Variants in ADGB observed in about 807,000 individuals in gnomAD.
ADGB encodes the protein androglobin.
Under a neutral mutation model 210.5 loss-of-function variants are expected in ADGB, and 172 were observed. That is an observed-to-expected ratio of 0.82 (90% CI 0.72 to 0.93). ADGB has a LOEUF of 0.93. Ranked by LOEUF, ADGB falls within the 40% of genes least tolerant of loss-of-function variation. The pLI is 0.00. For missense variants in ADGB, 2,025 were observed against 1,964.8 expected (o/e 1.03, Z -0.58); for synonymous variants, 658 against 662.7 (o/e 0.99, Z 0.11).
At chr6:146,626,044 C>T (rs1780966336) in intron 1 of ADGB, among the ~76,000 whole-genome samples, 1 of 151,874 alleles carries the variant, frequency 6.6e-6, no homozygotes, top group African/African-American at 2.4e-5. Context: ...AAAAATTCTA[C>T]TTATCTCCTA....
intron 1 of ADGB, among the ~76,000 whole-genome samples, chr6:146,602,611 C>T (rs563588951): frequency 3.3e-4 from 50 of 152,244 alleles, no homozygotes; most frequent in African/African-American, 1.1e-3. Context: ...TAGAAGTCAA[C>T]AAGCAGGGTG....
chr6:146,755,833 AC>A (rs1777398721), intron 27 of ADGB, among the ~76,000 whole-genome samples: 1 of 152,042 alleles, frequency 6.6e-6, no homozygotes. Context: ...CCCTTCCTGA[AC>A]CTTTTCCCCA....
At chr6:146,735,852 A>G (rs1562287563) in intron 22 of ADGB, among the ~76,000 whole-genome samples, 4 of 152,320 alleles carry the variant, frequency 2.6e-5, no homozygotes, top group Admixed American at 2.6e-4. Flanking sequence ...TTTTGGCCTT[A>G]TAGCAGTCAA....
At chr6:146,799,058 C>CAAAAAAAAAAAAAAAAAAAAAAA (rs71552962) in intron 33 of ADGB, among the ~76,000 whole-genome samples, 2 of 63,522 alleles carry the variant, frequency 3.1e-5, no homozygotes, top group African/African-American at 6.6e-5. Context: ...TATGGAAATG[C>CAAAAAAAAAAAAAAAAAAAAAAA]AAAAAAAAAA....
rs568808271 is a variant in ADGB at position 146,791,155 on chromosome 6, T to A, written c.4537+2545T>A. On this transcript the variant is annotated intron_variant, in intron 33 of 35. Coordinates refer to ENST00000397944, the MANE Select transcript of ADGB (RefSeq NM_024694.4). ...CAACCCATGGTTGACTCATCACTTT[T>A]CATTGTTTCATTTGCACAGCAAAGG... 2.0e-5 allele frequency among the ~76,000 whole-genome samples: 3 copies of A among 152,304 alleles called. No homozygotes were observed. In the South Asian group the frequency reaches 6.2e-4, roughly 32 times the overall value.
chr6:146,666,892 A>G lies in ADGB; in HGVS notation c.829A>G (p.Ile277Val). The G allele has an allele frequency of 1.9e-6, 3 of 1,544,236 alleles. No individual in the cohort carries two copies. The highest frequency in any genetic ancestry group is 2.4e-5 in the South Asian group (2 of 83,410). The change falls in exon 7 of 36, where the codon ATT (isoleucine) becomes GTT (valine). Residue 277 changes from isoleucine (I) to valine (V), a missense_variant. Ile to Val is a conservative substitution (Grantham distance 29). Coordinates refer to ENST00000397944, the MANE Select transcript of ADGB (RefSeq NM_024694.4). The stretch of plus-strand genomic sequence containing the variant: ...GCTCACAGGATGGTTACCAGAAGTC[A>G]TTTCTCTTCAGTATGTTTGACTATT... Reference protein sequence around the residue: ...HALTGWLPEVISLHPGYMDKV... With the variant: ...HALTGWLPEVVSLHPGYMDKV...
At chr6:146,688,666 G>C (rs1430098744) in intron 10 of ADGB, among the ~76,000 whole-genome samples, 2 of 152,140 alleles carry the variant, frequency 1.3e-5, no homozygotes, top group African/African-American at 4.8e-5. Context: ...TTCCAAAGCT[G>C]TAATGAACTG....
chr6:146,634,735 G>A (rs559513433), intron 1 of ADGB, among the ~76,000 whole-genome samples: 1 of 151,870 alleles, frequency 6.6e-6, no homozygotes, highest in South Asian at 2.1e-4. Context: ...TAATGTGAAT[G>A]TACACAAAGA....
At chr6:146,605,103 C>T (rs12526129) in intron 1 of ADGB, among the ~76,000 whole-genome samples, 16,815 of 152,062 alleles carry the variant, frequency 0.11, 1,149 homozygotes, top group East Asian at 0.23. Context: ...GGAATTCAAA[C>T]TATATGTAGT....
intron 5 of ADGB, among the ~76,000 whole-genome samples, chr6:146,658,910 T>G (rs1313979387): frequency 6.6e-6 from 1 of 152,192 alleles, no homozygotes; most frequent in African/African-American, 2.4e-5. Flanking sequence ...CTGTGAGCAC[T>G]GACATACCAG....
intron 13 of ADGB, 107 bp from the exon 14 acceptor site, chr6:146,715,275 A>C (rs1445877097): frequency 2.0e-6 from 2 of 1,001,740 alleles, no homozygotes; most frequent in Non-Finnish European, 2.9e-6. Context: ...CCAAAAATCT[A>C]TTTCTTCAAA....
At chr6:146,642,660 C>A (rs1176440037) in intron 2 of ADGB, among the ~76,000 whole-genome samples, 1 of 151,820 alleles carries the variant, frequency 6.6e-6, no homozygotes, top group Non-Finnish European at 1.5e-5. Flanking sequence ...AATGCAGGAA[C>A]AAAAAACCAA....
chr6:146,733,199 G>T lies in ADGB; in HGVS notation c.2600G>T (p.Arg867Leu). 6.5e-7 allele frequency: 1 copy of T among 1,541,652 alleles called. No individual in the cohort carries two copies. The highest frequency in any genetic ancestry group is 8.8e-7 in the Non-Finnish European group (1 of 1,141,140). The change falls in exon 21 of 36, where the codon CGG (arginine) becomes CTG (leucine). Residue 867 changes from arginine to leucine, a missense_variant. Coordinates refer to ENST00000397944, the MANE Select transcript of ADGB (RefSeq NM_024694.4). The stretch of plus-strand genomic sequence containing the variant: ...CCTCCAAACTTCAAATTTGCATTCC[G>T]GGCTATGGTTTTGGACTTGGAGTTA... ...KPPPNFKFAF[R>L]AMVLDLELLN... is the part of the protein sequence containing the mutation.
chr6:146,625,752 C>T (rs1390529928), intron 1 of ADGB, among the ~76,000 whole-genome samples: 3 of 152,188 alleles, frequency 2.0e-5, no homozygotes, highest in South Asian at 2.1e-4. Flanking sequence ...CCTATACAGC[C>T]TACAGAACCA....
intron 4 of ADGB, 32 bp downstream of exon 4, chr6:146,654,238 C>T: frequency 6.9e-7 from 1 of 1,444,356 alleles, no homozygotes; most frequent in Non-Finnish European, 9.5e-7. Context: ...AAAGTCTCAC[C>T]ATGAAATGAC....
rs1777535694 is a variant in ADGB, at chr6:146,763,893, C to T, written c.3551-8C>T. 3 of 1,547,098 alleles carry T rather than the reference C, an allele frequency of 1.9e-6. No homozygotes were observed. Among genetic ancestry groups the T allele is most frequent in the Non-Finnish European group, 2.6e-6 (3 of 1,144,894 alleles). On this transcript the variant is annotated splice_region_variant and splice_polypyrimidine_tract_variant and intron_variant, in intron 27 of 35. Coordinates refer to ENST00000397944, the MANE Select transcript of ADGB (RefSeq NM_024694.4). ...TTTTAACTTTAACTTAGTATTTCTC[C>T]TATTCAGCTAGCAAGCACATTCTTT...
rs59013298 is a variant in ADGB, at chr6:146,643,317, C to T, written c.238-1456C>T. On this transcript the variant is annotated intron_variant, in intron 2 of 35. Transcript: ENST00000397944. ...AATATAACCTGTTTCTCAGGCCACA[C>T]CGGCCTTAGGGTAAAAACGTGATTA... Among the ~76,000 whole-genome samples, 1,505 of 151,976 alleles carry T rather than the reference C, an allele frequency of 9.9e-3. 30 individuals are homozygous for T. Among genetic ancestry groups the T allele is most frequent in the African/African-American group, 0.033 (1,364 of 41,522 alleles).
intron 27 of ADGB, among the ~76,000 whole-genome samples, chr6:146,753,241 A>G (rs1250808124): frequency 6.6e-6 from 1 of 152,116 alleles, no homozygotes; most frequent in Admixed American, 6.6e-5. Flanking sequence ...AGAAAATTAC[A>G]AACAAGGGAA....
intron 27 of ADGB, among the ~76,000 whole-genome samples, chr6:146,758,598 G>C (rs1296698764): frequency 6.6e-6 from 1 of 151,832 alleles, no homozygotes; most frequent in Admixed American, 6.6e-5. Flanking sequence ...AGAGTAACTG[G>C]GTCAGAGATC....
Sources: allele counts gnomAD v4.1 joint callset (sites outside exome capture counted in the v4.1 genomes callset), GRCh38; gene constraint gnomAD v4.1.1; transcripts MANE v1.5; gene names NCBI Gene and HGNC (gene_info 2026-07-23, HGNC 2026-07-21).